Variants in GRAMD1B observed in about 807,000 individuals in gnomAD.
The protein encoded by GRAMD1B is GRAM domain containing 1B, also known as protein Aster-B.
GRAMD1B carries 37 observed loss-of-function variants against 99.7 expected under a neutral mutation model. The observed-to-expected ratio is 0.37, with a 90% CI of 0.29 to 0.49. The LOEUF is 0.49. Among genes scored for constraint, GRAMD1B ranks in the 20% least tolerant of loss-of-function variants. The pLI is 0.98. For synonymous variants in GRAMD1B, 427 were observed against 387.6 expected (o/e 1.10, Z -1.19); for missense variants, 888 against 1,009.2 (o/e 0.88, Z 1.63).
chr11:123,608,268 G>A (rs1338315573), intron 11 of GRAMD1B: 6 of 548,738 alleles, frequency 1.1e-5, no homozygotes, highest in Non-Finnish European at 1.9e-5. Context: ...ATTTGTTGTC[G>A]ATTAGAGTTA....
chr11:123,508,205 C>T (rs997896740), intron 2 of GRAMD1B, among the ~76,000 whole-genome samples: 1 of 152,122 alleles, frequency 6.6e-6, no homozygotes, highest in Non-Finnish European at 1.5e-5. Context: ...AAAAGCATAA[C>T]ACCAGCATCT....
At chr11:123,504,580 C>T (rs939359024) in intron 2 of GRAMD1B, among the ~76,000 whole-genome samples, 2 of 152,176 alleles carry the variant, frequency 1.3e-5, no homozygotes, top group Non-Finnish European at 2.9e-5. Flanking sequence ...CAGTGACTCC[C>T]GCTGTGCTAG....
intron 2 of GRAMD1B, among the ~76,000 whole-genome samples, chr11:123,499,998 G>A (rs758635904): frequency 4.6e-5 from 7 of 152,168 alleles, no homozygotes; most frequent in Non-Finnish European, 8.8e-5. Flanking sequence ...CTTAAATGAT[G>A]GATAGGTTCA....
chr11:123,397,890 T>A (rs1483123821), intron 1 of GRAMD1B, among the ~76,000 whole-genome samples: 1 of 152,220 alleles, frequency 6.6e-6, no homozygotes, highest in Admixed American at 6.5e-5. Context: ...GTTTTGAGAT[T>A]CATCTACATA....
At chr11:123,588,255 G>C (rs1439710572) in intron 4 of GRAMD1B, among the ~76,000 whole-genome samples, 1 of 152,020 alleles carries the variant, frequency 6.6e-6, no homozygotes, top group Non-Finnish European at 1.5e-5. Flanking sequence ...CCTGGGAAGA[G>C]GGTACCACTT....
chr11:123,567,910 C>T (rs1947573539), intron 2 of GRAMD1B, among the ~76,000 whole-genome samples: 1 of 152,206 alleles, frequency 6.6e-6, no homozygotes, highest in South Asian at 2.1e-4. Context: ...GTGAACTTTG[C>T]CCTTATGTTA....
intron 1 of GRAMD1B, among the ~76,000 whole-genome samples, chr11:123,371,696 A>C (rs1301124784): frequency 6.6e-6 from 1 of 152,188 alleles, no homozygotes; most frequent in Non-Finnish European, 1.5e-5. Flanking sequence ...CATAGGATGA[A>C]CCTGCTGAGG....
chr11:123,613,406 A>C, intron 15 of GRAMD1B, 49 bp from the exon 16 acceptor site: 1 of 1,339,962 alleles, frequency 7.5e-7, no homozygotes, highest in South Asian at 1.3e-5. Flanking sequence ...AGAGAGTTGC[A>C]TTGGAGGGCT....
intron 2 of GRAMD1B, among the ~76,000 whole-genome samples, chr11:123,558,229 C>T (rs896491552): frequency 2.6e-5 from 4 of 151,976 alleles, no homozygotes; most frequent in Non-Finnish European, 4.4e-5. Flanking sequence ...AGTGATTCAC[C>T]CGCCTCTCCC....
At chr11:123,441,506 G>C (rs986512971) in intron 1 of GRAMD1B, among the ~76,000 whole-genome samples, 1 of 152,110 alleles carries the variant, frequency 6.6e-6, no homozygotes, top group South Asian at 2.1e-4. Flanking sequence ...CCAGGGCCAG[G>C]CATGGTGGCT....
At chr11:123,560,249 C>T in intron 2 of GRAMD1B, 1 of 1,078,256 alleles carries the variant, frequency 9.3e-7, no homozygotes, top group South Asian at 2.7e-5. Context: ...TGCGCCTGTG[C>T]GCGTGCGTGC....
intron 11 of GRAMD1B, among the ~76,000 whole-genome samples, chr11:123,607,159 A>G (rs1207740900): frequency 6.6e-6 from 1 of 152,158 alleles, no homozygotes. Flanking sequence ...TTTAACAGAA[A>G]CGTCCTCAAG....
At chr11:123,595,097 A>T (rs913852667) in intron 6 of GRAMD1B, among the ~76,000 whole-genome samples, 6 of 152,090 alleles carry the variant, frequency 3.9e-5, no homozygotes, top group Non-Finnish European at 8.8e-5. Context: ...GCAGGCAAAT[A>T]TTTGGCATGA....
chr11:123,361,679 A>C (rs953288193), intron 1 of GRAMD1B, among the ~76,000 whole-genome samples: 1 of 152,296 alleles, frequency 6.6e-6, no homozygotes, highest in East Asian at 1.9e-4. Context: ...AACACTGCAC[A>C]TATATTTTAG....
chr11:123,422,220 A>T (rs1011268974), intron 1 of GRAMD1B, among the ~76,000 whole-genome samples: 8 of 152,218 alleles, frequency 5.3e-5, no homozygotes, highest in African/African-American at 1.7e-4. Context: ...GGCGCAGTGC[A>T]GCAGGGTAGA....
At chr11:123,397,564 T>TACA (rs1257953795) in intron 1 of GRAMD1B, among the ~76,000 whole-genome samples, 1 of 152,128 alleles carries the variant, frequency 6.6e-6, no homozygotes, top group African/African-American at 2.4e-5. Context: ...AGTGCAGAGG[T>TACA]ACAATCATGG....
chr11:123,430,657 C>G lies in GRAMD1B; in HGVS notation c.-136C>G. 2.0e-6 allele frequency: 1 copy of G among 508,678 alleles called. No homozygotes were observed. The highest frequency in any genetic ancestry group is 3.4e-6 in the Non-Finnish European group (1 of 290,398). The allele number at this position is 508,678 out of a possible 1,614,324, so 31.5% of individuals were successfully genotyped here. On this transcript the variant is annotated 5_prime_UTR_variant, in exon 1 of 20. Transcript: ENST00000635736. ...CCTCGCGTCCCTTCCTCGCTGCGCT[C>G]CGGGAAAGGAACTTGTTCCTTCGGC...
intron 2 of GRAMD1B, among the ~76,000 whole-genome samples, chr11:123,540,091 A>C (rs1189700449): frequency 6.7e-6 from 1 of 149,100 alleles, no homozygotes; most frequent in Non-Finnish European, 1.5e-5. Context: ...TTTTTTTGAG[A>C]TAAGGTTTCT....
At chr11:123,376,385 C>T (rs1198431605) in intron 1 of GRAMD1B, among the ~76,000 whole-genome samples, 2 of 152,144 alleles carry the variant, frequency 1.3e-5, no homozygotes, top group East Asian at 3.9e-4. Context: ...AACATTGATG[C>T]ATAGTGTTTA....
Sources: gnomAD v4.1 joint callset for allele counts (sites outside exome capture counted in the v4.1 genomes callset) on GRCh38, gnomAD v4.1.1 for gene constraint, MANE v1.5 for transcripts, NCBI Gene and HGNC (gene_info 2026-07-23, HGNC 2026-07-21) for gene names.